Variants in DOCK4 observed in about 807,000 individuals in gnomAD.
DOCK4 encodes dedicator of cytokinesis protein 4.
Under a neutral mutation model 268.1 loss-of-function variants are expected in DOCK4, and 97 were observed. The ratio of observed to expected loss-of-function variants is 0.36; its 90% CI spans 0.31 to 0.43. The LOEUF (loss-of-function observed/expected upper bound fraction) is 0.43, where lower values mean the gene tolerates loss of function less well. Ranked by LOEUF, DOCK4 falls within the 20% of genes least tolerant of loss-of-function variation. The pLI, the probability that DOCK4 is intolerant of heterozygous loss-of-function variation, is 1.00. For missense variants in DOCK4, 2,145 were observed against 2,455.7 expected (o/e 0.87, Z 2.67); for synonymous variants, 954 against 887.2 (o/e 1.08, Z -1.34).
intron 26 of DOCK4, among the ~76,000 whole-genome samples, chr7:111,834,376 T>C (rs1803073799): frequency 6.6e-6 from 1 of 152,214 alleles, no homozygotes; most frequent in Non-Finnish European, 1.5e-5. Flanking sequence ...TATATCCTTC[T>C]CTGAAATGAG....
At chr7:111,780,157 C>A (rs1478239832) in intron 35 of DOCK4, among the ~76,000 whole-genome samples, 1 of 152,194 alleles carries the variant, frequency 6.6e-6, no homozygotes, top group East Asian at 1.9e-4. Context: ...TGAGGATCTG[C>A]TATCAAATGT....
chr7:111,747,280 G>T lies in DOCK4; in HGVS notation c.4580C>A (p.Ser1527Tyr). Reference sequence around the variant, plus strand: ...CCTAATCCTTACCTCTTGATACCTGGAAACGCCACCATTAACTGCAGCATC... The same window carrying T: ...CCTAATCCTTACCTCTTGATACCTGTAAACGCCACCATTAACTGCAGCATC... Reference protein sequence around the residue: ...VIDAAVNGGVSRYQEAFFVKE... With the variant: ...VIDAAVNGGVYRYQEAFFVKE... The change falls in exon 43 of 53, where the codon TCC becomes TAC. Residue 1527 changes from serine to tyrosine, a missense_variant. Ser to Tyr is a moderately radical substitution (Grantham distance 144). This residue lies in a region of DOCK4 where 1,598 missense variants were observed against 1,986.7 expected (regional missense o/e 0.80). Transcript: ENST00000428084. 1 of 1,612,732 alleles carries T rather than the reference G, an allele frequency of 6.2e-7. No individual in the cohort carries two copies. Among genetic ancestry groups the T allele is most frequent in the East Asian group, 2.2e-5 (1 of 44,848 alleles).
chr7:112,182,217 G>A (rs1230629788), intron 1 of DOCK4, among the ~76,000 whole-genome samples: 3 of 152,130 alleles, frequency 2.0e-5, no homozygotes, highest in African/African-American at 7.2e-5. Flanking sequence ...ATAGTGCCCG[G>A]CATGCAGAAG....
At chr7:112,018,403 AAT>A in intron 1 of DOCK4, among the ~76,000 whole-genome samples, 1 of 152,148 alleles carries the variant, frequency 6.6e-6, no homozygotes, top group Middle Eastern at 3.2e-3. Context: ...TCAGGATAAA[AAT>A]GAACATTACC....
chr7:111,960,115 T>C (rs1796750129), intron 8 of DOCK4, among the ~76,000 whole-genome samples: 1 of 152,010 alleles, frequency 6.6e-6, no homozygotes. Flanking sequence ...CCTGTTATCC[T>C]AGCACTTTCG....
At chr7:111,973,019 A>G (rs113511292) in intron 8 of DOCK4, among the ~76,000 whole-genome samples, 2,104 of 151,680 alleles carry the variant, frequency 0.014, 49 homozygotes, top group African/African-American at 0.049. Context: ...CTTAGCTCCA[A>G]CTTATGAGTG....
At chr7:111,863,880 C>A (rs1249596105) in intron 22 of DOCK4, among the ~76,000 whole-genome samples, 1 of 152,164 alleles carries the variant, frequency 6.6e-6, no homozygotes, top group Non-Finnish European at 1.5e-5. Context: ...GAATGCTCAA[C>A]CAAGACCTGG....
At chr7:111,740,786 T>C (rs1795866239) in intron 47 of DOCK4, among the ~76,000 whole-genome samples, 1 of 122,088 alleles carries the variant, frequency 8.2e-6, no homozygotes, top group Non-Finnish European at 1.6e-5. Context: ...AGCTAGTGAG[T>C]GGCAACACAC....
chr7:111,969,621 A>AT (rs1197811019), intron 8 of DOCK4, among the ~76,000 whole-genome samples: 2 of 151,416 alleles, frequency 1.3e-5, no homozygotes, highest in Admixed American at 1.3e-4. Context: ...TGGAGAGTCT[A>AT]TTAGTTTGTA....
chr7:111,912,857 CT>C lies in DOCK4; in HGVS notation c.1192+2921del, dbSNP rs552009581. On this transcript the variant is annotated intron_variant, in intron 13 of 52. Coordinates refer to ENST00000428084, the MANE Select transcript of DOCK4 (RefSeq NM_001363540.2). ...TTACTAAATAACAATTAGACTTTTT[CT>C]TTTTTTTTTGCTTTTAAACTTCAAA... is the stretch of plus-strand genomic sequence containing the variant. Among the ~76,000 whole-genome samples, 1,234 of 144,632 alleles carry C rather than the reference CT, an allele frequency of 8.5e-3. 8 individuals are homozygous for C. The highest frequency in any genetic ancestry group is 0.012 in the Non-Finnish European group (774 of 65,426). The allele number at this position is 144,632 out of a possible 152,430, so 94.9% of individuals were successfully genotyped here.
At chr7:112,180,811 C>T (rs1818961939) in intron 1 of DOCK4, among the ~76,000 whole-genome samples, 1 of 152,158 alleles carries the variant, frequency 6.6e-6, no homozygotes, top group Non-Finnish European at 1.5e-5. Flanking sequence ...TATTAAAGGG[C>T]TGTAAGTAGA....
intron 13 of DOCK4, among the ~76,000 whole-genome samples, chr7:111,912,847 T>C (rs1792232973): frequency 6.6e-6 from 1 of 152,014 alleles, no homozygotes; most frequent in African/African-American, 2.4e-5. Flanking sequence ...AAATAACAAT[T>C]AGACTTTTTC....
chr7:112,110,879 A>T (rs1221354702), intron 1 of DOCK4, among the ~76,000 whole-genome samples: 1 of 152,158 alleles, frequency 6.6e-6, no homozygotes, highest in Non-Finnish European at 1.5e-5. Flanking sequence ...TCCGCTCCCC[A>T]CGGAAATGTG....
intron 1 of DOCK4, among the ~76,000 whole-genome samples, chr7:112,179,545 G>T (rs1297692577): frequency 1.3e-5 from 2 of 150,354 alleles, no homozygotes; most frequent in Non-Finnish European, 3.0e-5. Context: ...TTTTAACCCA[G>T]CTACATGCAC....
chr7:112,050,436 T>C (rs924134350), intron 1 of DOCK4, among the ~76,000 whole-genome samples: 3 of 152,172 alleles, frequency 2.0e-5, no homozygotes, highest in Non-Finnish European at 4.4e-5. Context: ...CTTTTTAGTA[T>C]GCTGTAGTAA....
intron 1 of DOCK4, among the ~76,000 whole-genome samples, chr7:112,061,509 CAT>C (rs989947108): frequency 5.9e-5 from 9 of 152,096 alleles, no homozygotes; most frequent in African/African-American, 1.9e-4. Context: ...GCCTGCTACA[CAT>C]GTCTTTCTGT....
At chr7:112,101,514 C>T (rs1810674772) in intron 1 of DOCK4, among the ~76,000 whole-genome samples, 1 of 152,178 alleles carries the variant, frequency 6.6e-6, no homozygotes, top group Admixed American at 6.5e-5. Flanking sequence ...AAAGTCATGA[C>T]CCAGTGCCAG....
At chr7:111,835,121 T>C (rs940398294) in intron 25 of DOCK4, among the ~76,000 whole-genome samples, 5 of 152,178 alleles carry the variant, frequency 3.3e-5, no homozygotes, top group African/African-American at 7.2e-5. Flanking sequence ...TAGTTTCTGA[T>C]GTGCTAAATG....
At chr7:112,202,886 C>G (rs1379250716) in intron 1 of DOCK4, among the ~76,000 whole-genome samples, 4 of 152,080 alleles carry the variant, frequency 2.6e-5, no homozygotes, top group Admixed American at 6.5e-5. Flanking sequence ...CAGAGAGAAT[C>G]AAACAAATTG....
Sources: allele counts gnomAD v4.1 joint callset (sites outside exome capture counted in the v4.1 genomes callset), GRCh38; gene constraint gnomAD v4.1.1; regional missense constraint gnomAD v4.1.1; transcripts MANE v1.5; gene names NCBI Gene and HGNC (gene_info 2026-07-23, HGNC 2026-07-21).